Variants in TGFBR2 observed in about 807,000 individuals in gnomAD.
The protein encoded by TGFBR2 is transforming growth factor beta receptor 2, also known as TGF-beta receptor type-2.
A neutral mutation model predicts 49.0 loss-of-function variants in TGFBR2; 18 were observed. The observed-to-expected ratio is 0.37, with a 90% CI of 0.25 to 0.54. The LOEUF (loss-of-function observed/expected upper bound fraction) is 0.54. TGFBR2 is among the 20% of genes least tolerant of loss of function. TGFBR2 has a pLI of 0.85. For missense variants in TGFBR2, 525 were observed against 722.6 expected (o/e 0.73, Z 3.13); for synonymous variants, 282 against 275.9 (o/e 1.02, Z -0.22).
chr3:30,637,966 G>A (rs1401006050), intron 1 of TGFBR2, among the ~76,000 whole-genome samples: 3 of 152,182 alleles, frequency 2.0e-5, no homozygotes, highest in Non-Finnish European at 2.9e-5. Flanking sequence ...GAGAATGTTT[G>A]TTTCCCCATA....
At position 30,688,385 on chromosome 3, in the gene TGFBR2, A is replaced by G; in HGVS notation, c.1398A>G (p.Glu466=). Residue 466 remains glutamate (E), a splice_region_variant and synonymous_variant, in exon 6 of 7, where the codon GAA becomes GAG. Coordinates refer to ENST00000295754, the MANE Select transcript of TGFBR2 (RefSeq NM_003242.6). Reference sequence around the variant, plus strand: ...TGTGTTTGCTGGCTTTCTTCACAGAAGTAAAAGATTATGAGCCTCCATTTG... The same window carrying G: ...TGTGTTTGCTGGCTTTCTTCACAGAGGTAAAAGATTATGAGCCTCCATTTG... ...EMTSRCNAVG[E]VKDYEPPFGS... 5.0e-6 allele frequency: 8 copies of G among 1,614,182 alleles called. No homozygotes were observed. Among genetic ancestry groups the G allele is most frequent in the Non-Finnish European group, 6.8e-6 (8 of 1,180,008 alleles).
chr3:30,659,754 G>C (rs954182394), intron 3 of TGFBR2, among the ~76,000 whole-genome samples: 2 of 151,588 alleles, frequency 1.3e-5, no homozygotes, highest in Non-Finnish European at 2.9e-5. Context: ...GGTTCGGGTG[G>C]TTCCTCTGCA....
In TGFBR2 at chr3:30,609,495, T is replaced by G. The variant is rs1291999308; in HGVS notation, c.94+2518T>G. 3.3e-5 allele frequency among the ~76,000 whole-genome samples: 5 copies of G among 152,184 alleles called. No individual in the cohort carries two copies. The East Asian group carries it at 9.6e-4, about 29-fold the overall frequency. On this transcript the variant is annotated intron_variant, in intron 1 of 6. Transcript: ENST00000295754. ...TCTGTTTAGTAGTATGCAAAGGATT[T>G]AAATAAAAGAACAAATTTCACTAAG... is the stretch of plus-strand genomic sequence containing the variant.
chr3:30,616,861 A>G (rs2125448044), intron 1 of TGFBR2, among the ~76,000 whole-genome samples: 1 of 152,312 alleles, frequency 6.6e-6, no homozygotes, highest in East Asian at 1.9e-4. Context: ...CTGACTAAAT[A>G]GCATGTTTAC....
intron 1 of TGFBR2, among the ~76,000 whole-genome samples, chr3:30,616,870 A>G (rs372856733): frequency 6.6e-6 from 1 of 152,220 alleles, no homozygotes; most frequent in East Asian, 1.9e-4. Flanking sequence ...TAGCATGTTT[A>G]CTTCAGCTAG....
At chr3:30,683,908 G>A (rs1176102122) in intron 5 of TGFBR2, among the ~76,000 whole-genome samples, 3 of 152,182 alleles carry the variant, frequency 2.0e-5, no homozygotes, top group Admixed American at 2.0e-4. Flanking sequence ...GTACCCACCT[G>A]GCTGGCAGAG....
chr3:30,655,455 A>G (rs1343309726), intron 3 of TGFBR2, among the ~76,000 whole-genome samples: 1 of 152,188 alleles, frequency 6.6e-6, no homozygotes, highest in East Asian at 1.9e-4. Flanking sequence ...TAGAATTTCT[A>G]ATCAAAGCTA....
intron 5 of TGFBR2, among the ~76,000 whole-genome samples, chr3:30,680,182 G>A (rs1223228851): frequency 3.1e-5 from 4 of 128,594 alleles, no homozygotes; most frequent in African/African-American, 1.2e-4. Flanking sequence ...GGATACGATA[G>A]TCAGAGCTAC....
At chr3:30,638,873 G>A (rs140786604) in intron 1 of TGFBR2, among the ~76,000 whole-genome samples, 92 of 152,298 alleles carry the variant, frequency 6.0e-4, no homozygotes, top group Admixed American at 1.2e-3. Context: ...CGGAGCTGCT[G>A]TTGCTAGCAT....
At chr3:30,686,121 T>G (rs1428265285) in intron 5 of TGFBR2, among the ~76,000 whole-genome samples, 3 of 152,204 alleles carry the variant, frequency 2.0e-5, no homozygotes, top group Non-Finnish European at 4.4e-5. Flanking sequence ...GGGAACCAGA[T>G]CTGATTCTCA....
chr3:30,690,180 C>T (rs888086148), intron 6 of TGFBR2, among the ~76,000 whole-genome samples: 1 of 152,212 alleles, frequency 6.6e-6, no homozygotes, highest in Admixed American at 6.5e-5. Context: ...TGAGGGATCC[C>T]ATTAGCAATG....
rs1233695540 is a variant in TGFBR2 at position 30,692,754 on chromosome 3, A to G, written c.*1155A>G. ...TCAGGACTATGACCTCAGGCACTCT[A>G]AACATATGTTTTGTTTGGTCAGCAC... On this transcript the variant is annotated 3_prime_UTR_variant, in exon 7 of 7. Coordinates refer to ENST00000295754, the MANE Select transcript of TGFBR2 (RefSeq NM_003242.6). 2 of 232,980 alleles carry G rather than the reference A, an allele frequency of 8.6e-6. No homozygotes were observed. Among genetic ancestry groups the G allele is most frequent in the Non-Finnish European group, 1.7e-5 (2 of 117,858 alleles). 14.4% of individuals were successfully genotyped at this position (232,980 alleles called of 1,614,324 possible).
chr3:30,623,926 G>A (rs1215106603), intron 1 of TGFBR2, among the ~76,000 whole-genome samples: 2 of 152,154 alleles, frequency 1.3e-5, no homozygotes, highest in Non-Finnish European at 2.9e-5. Context: ...TGGATCACCT[G>A]AGGTCAAGAG....
chr3:30,662,441 G>A (rs879833196), intron 3 of TGFBR2, among the ~76,000 whole-genome samples: 6 of 152,276 alleles, frequency 3.9e-5, no homozygotes, highest in Admixed American at 2.0e-4. Context: ...GAGAGGTGGC[G>A]AATAGCTTTG....
At chr3:30,631,621 C>CTTTTTTTTTTTT (rs71093918) in intron 1 of TGFBR2, among the ~76,000 whole-genome samples, 1 of 115,380 alleles carries the variant, frequency 8.7e-6, no homozygotes, top group Non-Finnish European at 1.8e-5. Flanking sequence ...CAACTTCTTT[C>CTTTTTTTTTTTT]TTTTTTTTTT....
chr3:30,646,055 C>CTTAA (rs1698733972), intron 2 of TGFBR2, among the ~76,000 whole-genome samples: 1 of 152,062 alleles, frequency 6.6e-6, no homozygotes, highest in Non-Finnish European at 1.5e-5. Flanking sequence ...AATTTATTGG[C>CTTAA]CATTTTAAAA....
intron 5 of TGFBR2, among the ~76,000 whole-genome samples, chr3:30,674,842 C>T (rs1699407235): frequency 6.6e-6 from 1 of 151,972 alleles, no homozygotes; most frequent in Admixed American, 6.6e-5. Flanking sequence ...AGCTGGCTTG[C>T]TCTTTTTATC....
intron 5 of TGFBR2, among the ~76,000 whole-genome samples, chr3:30,679,405 C>G (rs1318183313): frequency 6.6e-6 from 1 of 152,144 alleles, no homozygotes; most frequent in South Asian, 2.1e-4. Context: ...ACTGGAGAAG[C>G]CTCACTTTTA....
intron 1 of TGFBR2, among the ~76,000 whole-genome samples, chr3:30,637,958 G>A (rs569334646): frequency 2.8e-4 from 43 of 152,300 alleles, no homozygotes; most frequent in Middle Eastern, 3.4e-3. Flanking sequence ...AGCATTATGA[G>A]AATGTTTGTT....
Sources: gnomAD v4.1 joint callset for allele counts (sites outside exome capture counted in the v4.1 genomes callset) on GRCh38, gnomAD v4.1.1 for gene constraint, MANE v1.5 for transcripts, NCBI Gene and HGNC (gene_info 2026-07-23, HGNC 2026-07-21) for gene names.